CNTN5: variants seen among roughly 807,000 people sequenced by gnomAD.
CNTN5 encodes the protein contactin-5.
CNTN5 carries 77 observed loss-of-function variants against 129.1 expected under a neutral mutation model. The ratio of observed to expected loss-of-function variants is 0.60; its 90% confidence interval spans 0.50 to 0.72. The LOEUF is 0.72. CNTN5 is among the 30% of genes least tolerant of loss of function. The pLI is 0.00. For missense variants in CNTN5, 1,478 were observed against 1,328.8 expected, an observed-to-expected ratio of 1.11 and a Z score of -1.75; for synonymous variants, 509 against 465.6, an observed-to-expected ratio of 1.09 and a Z score of -1.20.
chr11:99,413,971 C>A (rs1357752566), intron 2 of CNTN5, among the ~76,000 whole-genome samples: 1 of 152,150 alleles, frequency 6.6e-6, no homozygotes, highest in Non-Finnish European at 1.5e-5. Flanking sequence ...AGCCAAAAAC[C>A]AAGCTGTTGA....
At chr11:100,342,182 C>CACA (rs1437901353) in intron 23 of CNTN5, among the ~76,000 whole-genome samples, 5 of 150,588 alleles carry the variant, frequency 3.3e-5, no homozygotes, top group Non-Finnish European at 7.4e-5. Flanking sequence ...CACACACACA[C>CACA]AAGTCCATCA....
chr11:99,453,067 C>T (rs1395454738), intron 2 of CNTN5, among the ~76,000 whole-genome samples: 3 of 152,048 alleles, frequency 2.0e-5, no homozygotes, highest in Non-Finnish European at 4.4e-5. Context: ...TTCTCAGATT[C>T]AAAATATTTT....
chr11:99,824,463 C>T (rs183690719), intron 4 of CNTN5, among the ~76,000 whole-genome samples: 1 of 151,918 alleles, frequency 6.6e-6, no homozygotes, highest in Non-Finnish European at 1.5e-5. Context: ...ATTTTACTTA[C>T]ATTTAACTGT....
intron 6 of CNTN5, among the ~76,000 whole-genome samples, chr11:99,869,978 A>T (rs1456511227): frequency 6.6e-6 from 1 of 152,104 alleles, no homozygotes; most frequent in Non-Finnish European, 1.5e-5. Context: ...GGAAATGGAA[A>T]TGCTGATTTA....
intron 1 of CNTN5, among the ~76,000 whole-genome samples, chr11:99,245,932 G>A (rs1380040535): frequency 3.3e-5 from 5 of 152,096 alleles, no homozygotes; most frequent in Admixed American, 6.6e-5. Flanking sequence ...TTTCCTGGAA[G>A]ACAAAATCAT....
chr11:99,800,648 C>T (rs573650740), intron 3 of CNTN5, among the ~76,000 whole-genome samples: 11 of 152,224 alleles, frequency 7.2e-5, no homozygotes, highest in African/African-American at 2.4e-4. Flanking sequence ...GTTGAGTCTT[C>T]TTGTTAAATT....
intron 1 of CNTN5, among the ~76,000 whole-genome samples, chr11:99,171,784 T>A (rs981400478): frequency 6.6e-6 from 1 of 152,318 alleles, no homozygotes. Flanking sequence ...ACTCTTTCTG[T>A]TATTATCATT....
chr11:99,932,200 T>G (rs1950208187), intron 7 of CNTN5, among the ~76,000 whole-genome samples: 1 of 152,226 alleles, frequency 6.6e-6, no homozygotes, highest in Non-Finnish European at 1.5e-5. Context: ...TATTTTATTT[T>G]ATTTTTTTGA....
chr11:99,399,009 T>C (rs1941667478), intron 2 of CNTN5, among the ~76,000 whole-genome samples: 1 of 151,944 alleles, frequency 6.6e-6, no homozygotes, highest in African/African-American at 2.4e-5. Flanking sequence ...CTTCCCCAAC[T>C]TCTCCAGATA....
At chr11:99,467,131 C>T (rs12226577) in intron 2 of CNTN5, among the ~76,000 whole-genome samples, 1 of 152,176 alleles carries the variant, frequency 6.6e-6, no homozygotes, top group South Asian at 2.1e-4. Flanking sequence ...ATTTCATTTT[C>T]TCTGAAGAGA....
chr11:100,153,009 C>CAAAA (rs950155843), intron 13 of CNTN5, among the ~76,000 whole-genome samples: 1 of 151,604 alleles, frequency 6.6e-6, no homozygotes, highest in Non-Finnish European at 1.5e-5. Flanking sequence ...GGCTTAACCA[C>CAAAA]AAAAAAAGTA....
chr11:99,243,277 C>CT (rs1861652454), intron 1 of CNTN5, among the ~76,000 whole-genome samples: 3 of 151,796 alleles, frequency 2.0e-5, no homozygotes, highest in Admixed American at 6.6e-5. Context: ...TATATGACTT[C>CT]TTTTGTCTTT....
rs149854866 is a variant in CNTN5 at position 99,209,549 on chromosome 11, C to T, written c.-209-115797C>T. The stretch of plus-strand genomic sequence containing the variant: ...TAAGTCATTCATGAGGGATCCGCCG[C>T]CATGATCCAGTACCTTCCACTAGGC... On this transcript the variant is annotated intron_variant, in intron 1 of 24. Transcript: ENST00000524871. 3.7e-3 allele frequency among the ~76,000 whole-genome samples: 563 copies of T among 152,262 alleles called. 6 individuals are homozygous for T. The highest frequency in any genetic ancestry group is 0.013 in the African/African-American group (537 of 41,562).
chr11:99,347,710 A>G (rs564179860), intron 2 of CNTN5, among the ~76,000 whole-genome samples: 1 of 152,274 alleles, frequency 6.6e-6, no homozygotes, highest in East Asian at 1.9e-4. Flanking sequence ...TGGTAACTAA[A>G]TGACAATTCT....
chr11:99,693,520 C>A (rs542451503), intron 3 of CNTN5, among the ~76,000 whole-genome samples: 29 of 151,766 alleles, frequency 1.9e-4, no homozygotes, highest in East Asian at 7.8e-4. Flanking sequence ...TGAGGCATGA[C>A]AAGCAGAGGG....
chr11:99,580,133 T>C (rs962773597), intron 3 of CNTN5, among the ~76,000 whole-genome samples: 1 of 152,230 alleles, frequency 6.6e-6, no homozygotes, highest in Non-Finnish European at 1.5e-5. Context: ...GGATTACATT[T>C]ATTGATTTGG....
intron 9 of CNTN5, among the ~76,000 whole-genome samples, chr11:100,031,402 C>A (rs1941700573): frequency 6.6e-6 from 1 of 152,082 alleles, no homozygotes. Flanking sequence ...GATTCCTGTC[C>A]CAGAAAAGCA....
chr11:99,658,614 G>A (rs868829318), intron 3 of CNTN5, among the ~76,000 whole-genome samples: 3 of 148,752 alleles, frequency 2.0e-5, no homozygotes, highest in Non-Finnish European at 4.5e-5. Context: ...GCTCATGCCT[G>A]TAATCCCAGC....
intron 13 of CNTN5, among the ~76,000 whole-genome samples, chr11:100,096,054 A>T (rs946375469): frequency 6.6e-6 from 1 of 152,070 alleles, no homozygotes. Flanking sequence ...TGGTCTGGCC[A>T]CCTGTGCAGT....
Sources: gnomAD v4.1 joint callset for allele counts (sites outside exome capture counted in the v4.1 genomes callset) on GRCh38, gnomAD v4.1.1 for gene constraint, MANE v1.5 for transcripts, NCBI Gene and HGNC (gene_info 2026-07-23, HGNC 2026-07-21) for gene names.